Variants in PCNX1 observed in about 807,000 individuals in gnomAD.
PCNX1 encodes the protein pecanex 1, also known as pecanex-like protein 1.
Under a neutral mutation model 242.2 loss-of-function variants are expected in PCNX1, and 78 were observed. The ratio of observed to expected loss-of-function variants is 0.32; its 90% CI spans 0.27 to 0.39. The LOEUF (loss-of-function observed/expected upper bound fraction) is 0.39, where lower values mean the gene tolerates loss of function less well. Among genes scored for constraint, PCNX1 ranks in the 10% least tolerant of loss-of-function variants. The pLI is 1.00. For missense variants in PCNX1, 2,581 were observed against 2,856.5 expected (o/e 0.90, Z 2.20); for synonymous variants, 1,024 against 1,032.9 (o/e 0.99, Z 0.17).
In PCNX1 at chr14:71,111,067, TC is replaced by T. The variant is rs1411587304; in HGVS notation, c.*1136del. On this transcript the variant is annotated 3_prime_UTR_variant, in exon 36 of 36. Transcript: ENST00000304743. ...CTTTAATAATTTTGCTTTTTATTTT[TC>T]CCCTCTTCTTTTTCTGTTACTTGAA... 1 of 152,646 alleles carries T rather than the reference TC, an allele frequency of 6.6e-6. No individual in the cohort carries two copies. The highest frequency in any genetic ancestry group is 1.9e-4 in the East Asian group (1 of 5,208). 9.5% of individuals were successfully genotyped at this position (152,646 alleles called of 1,614,324 possible).
At chr14:71,083,819 G>A (rs187719050) in intron 28 of PCNX1, among the ~76,000 whole-genome samples, 5 of 152,164 alleles carry the variant, frequency 3.3e-5, no homozygotes, top group African/African-American at 1.2e-4. Flanking sequence ...GGAGGAGTTT[G>A]TTATTACCCA....
At position 70,991,886 on chromosome 14, in the gene PCNX1, A is replaced by G. The variant is rs1052751409; in HGVS notation, c.2444+3187A>G. Among the ~76,000 whole-genome samples the G allele has an allele frequency of 3.9e-4, 59 of 152,208 alleles. 1 individual carries two copies. The highest frequency in any genetic ancestry group is 1.2e-4 in the Non-Finnish European group (8 of 68,026). ...TCATTACAAGTGCTATATAAATACT[A>G]GTAAATATACTAATTTATTTTAAAC... On this transcript the variant is annotated intron_variant, in intron 7 of 35. Coordinates refer to ENST00000304743, the MANE Select transcript of PCNX1 (RefSeq NM_014982.3).
Position 71,060,080 on chromosome 14 carries a change from C to T in PCNX1, c.4852+2356C>T, listed in dbSNP as rs150838501. ...TTATCTCACTTTACCATGTTTTTAT[C>T]GTTAGATTCTTACACAGTCATGGAC... On this transcript the variant is annotated intron_variant, in intron 26 of 35. Coordinates refer to ENST00000304743, the MANE Select transcript of PCNX1 (RefSeq NM_014982.3). Among the ~76,000 whole-genome samples, 3 of 152,306 alleles carry T rather than the reference C, an allele frequency of 2.0e-5. No homozygotes were observed. In the East Asian group the frequency reaches 5.8e-4, roughly 29 times the overall value.
At chr14:71,097,092 C>G (rs890762701) in intron 30 of PCNX1, among the ~76,000 whole-genome samples, 1 of 152,132 alleles carries the variant, frequency 6.6e-6, no homozygotes, top group Non-Finnish European at 1.5e-5. Context: ...TCCTAATTTG[C>G]TTAGGATAAT....
chr14:70,952,610 T>G (rs1355151793), intron 2 of PCNX1, among the ~76,000 whole-genome samples: 1 of 152,208 alleles, frequency 6.6e-6, no homozygotes, highest in Non-Finnish European at 1.5e-5. Context: ...TATTATACTT[T>G]ATTGACTCAC....
intron 35 of PCNX1, 37 bp from the exon 36 acceptor site, chr14:71,109,758 T>A: frequency 6.2e-7 from 1 of 1,610,038 alleles, no homozygotes. Context: ...ATTCCAGGTC[T>A]CCAGTGCTAA....
chr14:70,967,944 G>T (rs145343208), intron 3 of PCNX1, among the ~76,000 whole-genome samples: 3 of 152,138 alleles, frequency 2.0e-5, no homozygotes, highest in African/African-American at 7.2e-5. Context: ...GCTCTGGGGG[G>T]GCTCCGTCAG....
rs573357761 is a variant in PCNX1, at chr14:71,111,994, A to C, written c.*2059A>C. On this transcript the variant is annotated 3_prime_UTR_variant, in exon 36 of 36. Transcript: ENST00000304743. ...TGGTTTTGGAGGGTTTTTTTCTGAA[A>C]CTGAATTTATAATCTATTTCTCTGT... The C allele has an allele frequency of 6.6e-6, 1 of 152,522 alleles. No individual in the cohort carries two copies. Among genetic ancestry groups the C allele is most frequent in the Non-Finnish European group, 1.5e-5 (1 of 67,946 alleles). 9.4% of individuals were successfully genotyped at this position (152,522 alleles called of 1,614,324 possible). A position where few individuals can be genotyped will look rare whatever the true frequency, so the allele number is the denominator to read the frequency against.
intron 26 of PCNX1, among the ~76,000 whole-genome samples, chr14:71,063,849 T>C (rs1244888553): frequency 2.0e-5 from 3 of 152,218 alleles, no homozygotes; most frequent in Admixed American, 2.0e-4. Context: ...CATTTTTATT[T>C]TACAGATACT....
intron 30 of PCNX1, among the ~76,000 whole-genome samples, chr14:71,090,554 C>A (rs2062102759): frequency 6.6e-6 from 1 of 151,966 alleles, no homozygotes; most frequent in Non-Finnish European, 1.5e-5. Context: ...AGGATGTTGC[C>A]CTGGGGAAAT....
chr14:70,955,792 A>G (rs996052827), intron 2 of PCNX1, among the ~76,000 whole-genome samples: 2 of 152,190 alleles, frequency 1.3e-5, no homozygotes, highest in East Asian at 1.9e-4. Context: ...TAGAACATCT[A>G]CAGCTTGGCT....
At chr14:71,001,189 T>C (rs971567556) in intron 8 of PCNX1, among the ~76,000 whole-genome samples, 1 of 152,236 alleles carries the variant, frequency 6.6e-6, no homozygotes, top group African/African-American at 2.4e-5. Flanking sequence ...TCACACTGTT[T>C]CCTGATATTT....
Position 71,109,612 on chromosome 14 carries a change from G to C in PCNX1, c.6885+20G>C. The C allele has an allele frequency of 6.2e-7, 1 of 1,613,552 alleles. No homozygotes were observed. The highest frequency in any genetic ancestry group is 1.7e-5 in the Admixed American group (1 of 59,892). On this transcript the variant is annotated intron_variant, in intron 35 of 35. Transcript: ENST00000304743. ...GGCCATGTAAGTTCTTTTACAAGCT[G>C]GCGGTCTGGGGCTCTGCCTTTTTTG...
chr14:70,962,507 T>C (rs927573380), intron 3 of PCNX1, among the ~76,000 whole-genome samples, 176 bp downstream of exon 3: 9 of 152,224 alleles, frequency 5.9e-5, no homozygotes, highest in African/African-American at 1.9e-4. Context: ...TCACATTGAT[T>C]AATTACAGAT....
intron 26 of PCNX1, among the ~76,000 whole-genome samples, chr14:71,058,770 A>C (rs910792396): frequency 3.9e-5 from 6 of 152,324 alleles, no homozygotes; most frequent in Admixed American, 1.3e-4. Context: ...ACTCAAATTA[A>C]TGCGGAGTAA....
Position 71,051,857 on chromosome 14 carries a change from A to G in PCNX1, c.4448-26A>G, listed in dbSNP as rs770518498. The G allele has an allele frequency of 1.5e-5, 24 of 1,606,902 alleles. No homozygotes were observed. In the Admixed American group the frequency reaches 3.4e-4, roughly 23 times the overall value. On this transcript the variant is annotated intron_variant, in intron 23 of 35. Transcript: ENST00000304743. ...TGGCATCTGTGCTCAGATGAATGTC[A>G]GTGTCCTTAACTAGTTTTCCCATAG...
rs2060240072 is a variant in PCNX1 at position 71,026,225 on chromosome 14, A to C, written c.3292A>C (p.Lys1098Gln). 1 of 1,612,038 alleles carries C rather than the reference A, an allele frequency of 6.2e-7. No homozygotes were observed. The highest frequency in any genetic ancestry group is 1.3e-5 in the African/African-American group (1 of 74,892). The part of the protein sequence containing the change: ...GSRNLTATKF[K>Q]LYGITFTNPL... ...CAGAAACCTGACTGCAACCAAGTTC[A>C]AATTATATGGAATAACTTTCACCAA... The change falls in exon 14 of 36, where the codon AAA (lysine) becomes CAA (glutamine). Residue 1098 changes from lysine (K) to glutamine (Q), a missense_variant. By Grantham distance (53) the Lys-to-Gln change is moderately conservative. This residue lies in a region of PCNX1 where 432 missense variants were observed against 443.1 expected (regional missense o/e 0.97). Coordinates refer to ENST00000304743, the MANE Select transcript of PCNX1 (RefSeq NM_014982.3).
At chr14:70,929,009 C>T (rs188332790) in intron 1 of PCNX1, among the ~76,000 whole-genome samples, 137 of 152,284 alleles carry the variant, frequency 9.0e-4, no homozygotes, top group African/African-American at 3.0e-3. Flanking sequence ...TTGTGAATCA[C>T]CATTTCTATC....
intron 31 of PCNX1, among the ~76,000 whole-genome samples, chr14:71,102,971 T>C (rs2062504730): frequency 6.6e-6 from 1 of 152,210 alleles, no homozygotes; most frequent in Admixed American, 6.5e-5. Flanking sequence ...TTTAAGAGGC[T>C]TAATTTCTGA....
Sources: gnomAD v4.1 joint callset for allele counts (sites outside exome capture counted in the v4.1 genomes callset) on GRCh38, gnomAD v4.1.1 for gene constraint, gnomAD v4.1.1 regional missense constraint, MANE v1.5 for transcripts, NCBI Gene and HGNC (gene_info 2026-07-23, HGNC 2026-07-21) for gene names.